The following PRXL2A variants were observed in gnomAD, a reference collection of about 807,000 sequenced individuals.
The protein encoded by PRXL2A is peroxiredoxin-like 2A.
Under a neutral mutation model 25.6 loss-of-function variants are expected in PRXL2A, and 26 were observed. That is an observed-to-expected ratio of 1.02 (90% CI 0.74 to 1.41). The LOEUF (loss-of-function observed/expected upper bound fraction) is 1.41. Ranked by LOEUF, PRXL2A falls within the 40% of genes most tolerant of loss-of-function variation. The probability of loss-of-function intolerance (pLI) is 0.00; values close to 1 mark genes in which losing one functional copy is unlikely to be tolerated. For missense variants in PRXL2A, 246 were observed against 273.9 expected, an observed-to-expected ratio of 0.90 and a Z score of 0.72; for synonymous variants, 98 against 102.9, an observed-to-expected ratio of 0.95 and a Z score of 0.29.
chr10:80,426,508 G>T (rs1276590644), intron 4 of PRXL2A, among the ~76,000 whole-genome samples: 1 of 152,172 alleles, frequency 6.6e-6, no homozygotes, highest in Non-Finnish European at 1.5e-5. Flanking sequence ...ACTTATGATG[G>T]GTTTGTAGGG....
chr10:80,434,217 T>C lies in PRXL2A; in HGVS notation c.*2118T>C, dbSNP rs1265226387. Reference sequence around the variant, plus strand: ...TGGTTTTTTGTGAGCTCTCACCAACTTTTTTCCCCTGGGTCCTCACGTGCA... The same window carrying C: ...TGGTTTTTTGTGAGCTCTCACCAACCTTTTTCCCCTGGGTCCTCACGTGCA... On this transcript the variant is annotated 3_prime_UTR_variant, in exon 6 of 6. Transcript: ENST00000606162. 6.6e-6 allele frequency: 1 copy of C among 152,134 alleles called. No homozygotes were observed. Among genetic ancestry groups the C allele is most frequent in the African/African-American group, 2.4e-5 (1 of 41,424 alleles). The allele number at this position is 152,134 out of a possible 1,614,324, so 9.4% of individuals were successfully genotyped here.
intron 3 of PRXL2A, 32 bp downstream of exon 3, chr10:80,422,540 G>A (rs1870142): frequency 0.75 from 1,176,991 of 1,577,886 alleles, 443,594 homozygotes; most frequent in East Asian, 0.95. Flanking sequence ...TTCAGAGAAA[G>A]GGATCCTGGC....
intron 1 of PRXL2A, among the ~76,000 whole-genome samples, chr10:80,418,085 G>T (rs1322203780): frequency 6.6e-6 from 1 of 151,014 alleles, no homozygotes; most frequent in East Asian, 1.9e-4. Flanking sequence ...TGTTACATGG[G>T]TATATTGTGT....
At position 80,437,068 on chromosome 10, in the gene PRXL2A, C is replaced by A. The variant is rs1423226850; in HGVS notation, c.*4969C>A. Reference sequence around the variant, plus strand: ...TCTTGGGGTCTTCATTCTGAGGGCTCACATACAATTATGATCAAATAAATT... The same window carrying A: ...TCTTGGGGTCTTCATTCTGAGGGCTAACATACAATTATGATCAAATAAATT... On this transcript the variant is annotated 3_prime_UTR_variant, in exon 6 of 6. Coordinates refer to ENST00000606162, the MANE Select transcript of PRXL2A (RefSeq NM_032333.5). 6.6e-6 allele frequency: 1 copy of A among 152,226 alleles called. No homozygotes were observed. Among genetic ancestry groups the A allele is most frequent in the Non-Finnish European group, 1.5e-5 (1 of 68,044 alleles). The allele number at this position is 152,226 out of a possible 1,614,324, so 9.4% of individuals were successfully genotyped here.
chr10:80,416,298 A>G (rs957357096), intron 1 of PRXL2A, among the ~76,000 whole-genome samples: 1 of 152,174 alleles, frequency 6.6e-6, no homozygotes, highest in Non-Finnish European at 1.5e-5. Context: ...TTCAGCATGC[A>G]CTTGTGGTGA....
intron 3 of PRXL2A, 87 bp from the exon 4 acceptor site, chr10:80,425,779 C>T (rs1845019269): frequency 6.5e-7 from 1 of 1,533,034 alleles, no homozygotes; most frequent in South Asian, 1.2e-5. Flanking sequence ...AGACAAGGAG[C>T]CTGGGCTGCA....
intron 1 of PRXL2A, among the ~76,000 whole-genome samples, chr10:80,419,126 T>C (rs1844768228): frequency 6.7e-6 from 1 of 150,042 alleles, no homozygotes; most frequent in African/African-American, 2.5e-5. Flanking sequence ...GCTGGGATTA[T>C]AGGCATGCGC....
chr10:80,431,764 T>C (rs922808263), intron 5 of PRXL2A, among the ~76,000 whole-genome samples: 1 of 152,190 alleles, frequency 6.6e-6, no homozygotes, highest in African/African-American at 2.4e-5. Context: ...CACTTCTGAC[T>C]TCCTGCTTCT....
chr10:80,422,748 C>A (rs377490894), intron 3 of PRXL2A, among the ~76,000 whole-genome samples: 59 of 151,756 alleles, frequency 3.9e-4, no homozygotes, highest in African/African-American at 1.4e-3. Context: ...CCAGGCCTTT[C>A]ACCCTGTGCT....
intron 1 of PRXL2A, chr10:80,413,954 T>TAG: frequency 1.1e-6 from 1 of 921,592 alleles, no homozygotes; most frequent in Non-Finnish European, 1.4e-6. Context: ...TTGCCTTGTA[T>TAG]AGGAAAGAGA....
intron 1 of PRXL2A, among the ~76,000 whole-genome samples, chr10:80,414,396 TA>T (rs1844578984): frequency 6.6e-6 from 1 of 151,900 alleles, no homozygotes; most frequent in East Asian, 1.9e-4. Context: ...GAAGGGGGGA[TA>T]GAAAGGGGGA....
chr10:80,413,906 T>A, intron 1 of PRXL2A: 4 of 1,220,588 alleles, frequency 3.3e-6, no homozygotes, highest in Non-Finnish European at 4.2e-6. Flanking sequence ...GTTTGAAGCG[T>A]CTGAGGTTGG....
chr10:80,431,938 A>G, intron 5 of PRXL2A, 48 bp from the exon 6 acceptor site: 3 of 1,394,592 alleles, frequency 2.2e-6, no homozygotes, highest in East Asian at 2.3e-5. Flanking sequence ...TGTCTCATGA[A>G]CGAACGATTT....
At chr10:80,419,312 C>CT (rs71482779) in intron 1 of PRXL2A, among the ~76,000 whole-genome samples, 90 of 83,828 alleles carry the variant, frequency 1.1e-3, no homozygotes, top group Non-Finnish European at 1.4e-3. Flanking sequence ...TTTTTTTTTT[C>CT]TTTTTTTTTT....
intron 1 of PRXL2A, among the ~76,000 whole-genome samples, chr10:80,412,191 T>G (rs1415882746): frequency 1.3e-5 from 2 of 152,170 alleles, no homozygotes; most frequent in African/African-American, 4.8e-5. Flanking sequence ...TTGAGTTCCT[T>G]CCTCTGTATA....
At chr10:80,410,054 C>T (rs369753134) in intron 1 of PRXL2A, among the ~76,000 whole-genome samples, 1 of 152,242 alleles carries the variant, frequency 6.6e-6, no homozygotes, top group Non-Finnish European at 1.5e-5. Context: ...ATTTTCTCAT[C>T]TCGTGTCATT....
chr10:80,422,508 G>A lies in PRXL2A; in HGVS notation c.270G>A (p.Glu90=). The A allele has an allele frequency of 6.2e-7, 1 of 1,612,842 alleles. No individual in the cohort carries two copies. ...VRRPGCFLCR[E]EAADLSSLKS... is the part of the protein sequence containing the mutation. Reference sequence around the variant, plus strand: ...GGCCAGGCTGTTTCCTCTGTCGAGAGGTGAGTGCAGATGAGGATCTATTCA... The same window carrying A: ...GGCCAGGCTGTTTCCTCTGTCGAGAAGTGAGTGCAGATGAGGATCTATTCA... Residue 90 remains glutamate, a splice_region_variant and synonymous_variant, in exon 3 of 6, where the codon GAG becomes GAA. Transcript: ENST00000606162.
chr10:80,429,667 C>T (rs1845180825), intron 5 of PRXL2A, among the ~76,000 whole-genome samples: 1 of 151,028 alleles, frequency 6.6e-6, no homozygotes, highest in African/African-American at 2.4e-5. Context: ...CTTCCCTGCC[C>T]CTAGCCTCTC....
At chr10:80,408,853 G>C (rs1225144264) in intron 1 of PRXL2A, among the ~76,000 whole-genome samples, 1 of 152,190 alleles carries the variant, frequency 6.6e-6, no homozygotes, top group Non-Finnish European at 1.5e-5. Context: ...GCCACCCTGC[G>C]TGGCGGCCGA....
Sources: allele counts gnomAD v4.1 joint callset (sites outside exome capture counted in the v4.1 genomes callset), GRCh38; gene constraint gnomAD v4.1.1; transcripts MANE v1.5; gene names NCBI Gene and HGNC (gene_info 2026-07-23, HGNC 2026-07-21).